The following IFT80 variants were observed in gnomAD, a reference collection of about 807,000 sequenced individuals.
IFT80 encodes the protein intraflagellar transport 80.
IFT80 carries 79 observed loss-of-function variants against 107.9 expected under a neutral mutation model. The observed-to-expected ratio is 0.73, with a 90% CI of 0.61 to 0.88. IFT80 has a LOEUF of 0.88. Ranked by LOEUF, IFT80 falls within the 40% of genes least tolerant of loss-of-function variation. The pLI is 0.00. For synonymous variants in IFT80, 299 were observed against 300.9 expected, an observed-to-expected ratio of 0.99 and a Z score of 0.07; for missense variants, 797 against 914.2, an observed-to-expected ratio of 0.87 and a Z score of 1.65.
At chr3:160,297,478 C>T (rs1489493337) in intron 12 of IFT80, among the ~76,000 whole-genome samples, 1 of 151,904 alleles carries the variant, frequency 6.6e-6, no homozygotes, top group Non-Finnish European at 1.5e-5. Context: ...ATGTGTATAA[C>T]ATGAAATTTA....
intron 19 of IFT80, among the ~76,000 whole-genome samples, chr3:160,259,596 C>G (rs1034254485): frequency 2.6e-5 from 4 of 152,190 alleles, no homozygotes; most frequent in African/African-American, 9.6e-5. Flanking sequence ...AAAAGAATAA[C>G]TGCAAAGTGC....
At chr3:160,374,625 C>T (rs1711848205) in intron 5 of IFT80, among the ~76,000 whole-genome samples, 1 of 152,036 alleles carries the variant, frequency 6.6e-6, no homozygotes, top group African/African-American at 2.4e-5. Context: ...TTCCAAAAGG[C>T]CAGTGATCTC....
intron 18 of IFT80, among the ~76,000 whole-genome samples, chr3:160,272,424 T>G (rs1266842702): frequency 2.0e-5 from 3 of 152,152 alleles, no homozygotes; most frequent in Non-Finnish European, 2.9e-5. Flanking sequence ...AGGGTAAGGG[T>G]AGAAATTGTT....
intron 8 of IFT80, among the ~76,000 whole-genome samples, chr3:160,337,597 C>G (rs1461089001): frequency 6.6e-6 from 1 of 151,988 alleles, no homozygotes; most frequent in Non-Finnish European, 1.5e-5. Flanking sequence ...GTACTCCAGC[C>G]TAGGTGACAG....
At chr3:160,351,559 A>G (rs553105682) in intron 8 of IFT80, among the ~76,000 whole-genome samples, 62 of 142,426 alleles carry the variant, frequency 4.4e-4, no homozygotes, top group African/African-American at 1.4e-3. Flanking sequence ...TATTATATGT[A>G]TATATATATA....
chr3:160,281,383 C>T (rs1714679863), intron 14 of IFT80, among the ~76,000 whole-genome samples: 1 of 152,126 alleles, frequency 6.6e-6, no homozygotes, highest in Non-Finnish European at 1.5e-5. Context: ...GTCCATTTTC[C>T]CCATAGAATT....
At chr3:160,377,398 C>G in intron 4 of IFT80, 32 bp downstream of exon 4, 1 of 1,253,320 alleles carries the variant, frequency 8.0e-7, no homozygotes, top group Non-Finnish European at 1.2e-6. Context: ...TTAAAATATT[C>G]ATTTCAAATG....
chr3:160,305,275 CA>C (rs1313164396), intron 10 of IFT80, among the ~76,000 whole-genome samples: 3 of 152,084 alleles, frequency 2.0e-5, no homozygotes, highest in African/African-American at 7.2e-5. Context: ...AGTGAGTAAG[CA>C]AACTGGTAGG....
At chr3:160,284,750 A>G (rs1224233983) in intron 13 of IFT80, among the ~76,000 whole-genome samples, 1 of 152,230 alleles carries the variant, frequency 6.6e-6, no homozygotes, top group Admixed American at 6.5e-5. Flanking sequence ...GGGTTGGGAA[A>G]GCACTTTATG....
At chr3:160,259,050 G>A (rs1007099394) in intron 19 of IFT80, among the ~76,000 whole-genome samples, 1 of 152,140 alleles carries the variant, frequency 6.6e-6, no homozygotes, top group Non-Finnish European at 1.5e-5. Flanking sequence ...CAAGGCTGCA[G>A]TGAGCCGTGA....
chr3:160,340,355 C>G (rs908444702), intron 8 of IFT80, among the ~76,000 whole-genome samples: 1 of 152,120 alleles, frequency 6.6e-6, no homozygotes, highest in African/African-American at 2.4e-5. Flanking sequence ...TAACAAATTA[C>G]CACAAATTTA....
At chr3:160,349,448 CA>C (rs1559954085) in intron 8 of IFT80, among the ~76,000 whole-genome samples, 1 of 147,314 alleles carries the variant, frequency 6.8e-6, no homozygotes, top group Non-Finnish European at 1.5e-5. Context: ...GACTCCCTCT[CA>C]AAAAGAAAAA....
intron 8 of IFT80, among the ~76,000 whole-genome samples, chr3:160,325,461 G>A (rs924347136): frequency 2.0e-5 from 3 of 151,998 alleles, no homozygotes; most frequent in Admixed American, 6.6e-5. Flanking sequence ...AAAATGAAAT[G>A]TTTAGATAAT....
At chr3:160,366,632 G>A (rs901344249) in intron 5 of IFT80, among the ~76,000 whole-genome samples, 4 of 151,930 alleles carry the variant, frequency 2.6e-5, no homozygotes, top group African/African-American at 9.7e-5. Context: ...TTGGGGCTTG[G>A]CTGCACATTG....
intron 5 of IFT80, among the ~76,000 whole-genome samples, chr3:160,375,496 A>G (rs1009320524): frequency 6.6e-6 from 1 of 152,276 alleles, no homozygotes. Flanking sequence ...CCAATTCTAT[A>G]TAAGATATGC....
At chr3:160,397,874 A>T (rs1456343607) in intron 1 of IFT80, among the ~76,000 whole-genome samples, 1 of 152,036 alleles carries the variant, frequency 6.6e-6, no homozygotes, top group Non-Finnish European at 1.5e-5. Flanking sequence ...GGCATGCGCC[A>T]CCATGCCCTG....
chr3:160,318,816 T>C (rs1192918091), intron 9 of IFT80, among the ~76,000 whole-genome samples: 1 of 152,078 alleles, frequency 6.6e-6, no homozygotes, highest in Non-Finnish European at 1.5e-5. Context: ...CAGTCTGACC[T>C]TCCTCTACTC....
chr3:160,294,540 ACT>A (rs1263072557), intron 12 of IFT80, among the ~76,000 whole-genome samples: 1 of 152,212 alleles, frequency 6.6e-6, no homozygotes, highest in African/African-American at 2.4e-5. Flanking sequence ...CATCGCACTA[ACT>A]CTGAGTAATC....
At chr3:160,360,722 G>A (rs1355013226) in intron 6 of IFT80, among the ~76,000 whole-genome samples, 1 of 152,186 alleles carries the variant, frequency 6.6e-6, no homozygotes, top group Admixed American at 6.5e-5. Flanking sequence ...TTAAAGGAAA[G>A]AATTTTCAAC....
Sources: allele counts gnomAD v4.1 joint callset (sites outside exome capture counted in the v4.1 genomes callset), GRCh38; gene constraint gnomAD v4.1.1; transcripts MANE v1.5; gene names NCBI Gene and HGNC (gene_info 2026-07-23, HGNC 2026-07-21).